Variants in PTPRD observed in about 807,000 individuals in gnomAD.
PTPRD encodes the protein protein tyrosine phosphatase receptor type D, also known as receptor-type tyrosine-protein phosphatase delta.
Under a neutral mutation model 214.5 loss-of-function variants are expected in PTPRD, and 34 were observed. The observed-to-expected ratio is 0.16, with a 90% CI of 0.12 to 0.21. PTPRD has a LOEUF of 0.21. Among genes scored for constraint, PTPRD ranks in the 10% least tolerant of loss-of-function variants. The pLI is 1.00. For missense variants in PTPRD, 2,545 were observed against 2,398.7 expected (o/e 1.06, Z -1.27); for synonymous variants, 1,128 against 845.7 (o/e 1.33, Z -5.79).
intron 7 of PTPRD, among the ~76,000 whole-genome samples, chr9:9,657,403 G>A (rs767235886): frequency 5.3e-5 from 8 of 152,216 alleles, no homozygotes; most frequent in South Asian, 4.2e-4. Flanking sequence ...GTTGAACAGT[G>A]AGAACGCATG....
At chr9:9,999,273 A>G (rs1234231497) in intron 4 of PTPRD, among the ~76,000 whole-genome samples, 1 of 152,194 alleles carries the variant, frequency 6.6e-6, no homozygotes, top group Non-Finnish European at 1.5e-5. Flanking sequence ...AAGCTAAGGG[A>G]GCAACCCCTG....
chr9:9,391,584 T>C (rs1045059959), intron 9 of PTPRD, among the ~76,000 whole-genome samples: 8 of 152,198 alleles, frequency 5.3e-5, no homozygotes, highest in Admixed American at 2.6e-4. Flanking sequence ...ACACAAAATC[T>C]GAATTCTGTA....
intron 10 of PTPRD, among the ~76,000 whole-genome samples, chr9:9,037,293 C>T (rs535342858): frequency 6.6e-5 from 10 of 152,046 alleles, no homozygotes; most frequent in African/African-American, 9.6e-5. Flanking sequence ...TCAAAAGTTT[C>T]GCAAAATGTA....
chr9:8,626,297 T>C (rs1159451638), intron 14 of PTPRD, among the ~76,000 whole-genome samples: 1 of 151,836 alleles, frequency 6.6e-6, no homozygotes, highest in Non-Finnish European at 1.5e-5. Context: ...GTAAACTCCT[T>C]TGTAATTTTC....
At chr9:9,936,482 C>T (rs2089463163) in intron 5 of PTPRD, among the ~76,000 whole-genome samples, 2 of 149,788 alleles carry the variant, frequency 1.3e-5, no homozygotes, top group South Asian at 4.2e-4. Flanking sequence ...AAATGCTCAC[C>T]ATCACTGGCC....
chr9:8,331,807 C>CAAGAACAATCATTTTCATTTCCCGAA (rs1587828286), intron 43 of PTPRD, 71 bp from the exon 44 acceptor site: 8 of 1,465,182 alleles, frequency 5.5e-6, no homozygotes, highest in Non-Finnish European at 7.2e-6. Flanking sequence ...ATACGGACCA[C>CAAGAACAATCATTTTCATTTCCCGAA]AAGAACAATC....
At chr9:8,361,375 G>A (rs2078439242) in intron 39 of PTPRD, among the ~76,000 whole-genome samples, 1 of 152,190 alleles carries the variant, frequency 6.6e-6, no homozygotes, top group Non-Finnish European at 1.5e-5. Flanking sequence ...TGTTGCTAAG[G>A]ACAATTTGGG....
chr9:8,423,537 G>C (rs1449592345), intron 35 of PTPRD, among the ~76,000 whole-genome samples: 1 of 152,150 alleles, frequency 6.6e-6, no homozygotes, highest in Non-Finnish European at 1.5e-5. Flanking sequence ...ATATTACTAT[G>C]TATCATATTA....
At chr9:10,018,329 A>G (rs2096767077) in intron 4 of PTPRD, among the ~76,000 whole-genome samples, 1 of 152,062 alleles carries the variant, frequency 6.6e-6, no homozygotes, top group Admixed American at 6.6e-5. Flanking sequence ...AATCAGAAGC[A>G]ATAAGCCGTC....
rs190139608 is a variant in PTPRD at position 8,394,429 on chromosome 9, T to A, written c.4211-5022A>T. Among the ~76,000 whole-genome samples, 53 of 152,246 alleles carry A rather than the reference T, an allele frequency of 3.5e-4. No homozygotes were observed. In the East Asian group the frequency reaches 9.7e-3, roughly 28 times the overall value. On this transcript the variant is annotated intron_variant, in intron 36 of 45. Transcript: ENST00000381196. ...GCATCACATTACACTGTAGGTAAAG[T>A]CACGTGTGCATTTTAAAGTCTTGGG...
chr9:8,422,438 T>C (rs1265544153), intron 35 of PTPRD, among the ~76,000 whole-genome samples: 1 of 152,150 alleles, frequency 6.6e-6, no homozygotes, highest in Non-Finnish European at 1.5e-5. Context: ...ATGTGTTTGT[T>C]TTTATCTAGG....
chr9:9,683,432 G>C (rs1200968355), intron 7 of PTPRD, among the ~76,000 whole-genome samples: 2 of 151,730 alleles, frequency 1.3e-5, no homozygotes, highest in African/African-American at 2.4e-5. Context: ...AAACAGACTA[G>C]TGAGGAGATA....
At chr9:9,502,754 C>A (rs936750462) in intron 8 of PTPRD, among the ~76,000 whole-genome samples, 1 of 151,700 alleles carries the variant, frequency 6.6e-6, no homozygotes, top group African/African-American at 2.4e-5. Context: ...AAAAAAGGAG[C>A]AAATTGATGA....
At chr9:8,454,585 G>A (rs559025279) in intron 33 of PTPRD, 44 of 1,612,864 alleles carry the variant, frequency 2.7e-5, no homozygotes, top group Middle Eastern at 1.6e-4. Flanking sequence ...CTCACCTGTC[G>A]GGTTTACTGC....
intron 7 of PTPRD, among the ~76,000 whole-genome samples, chr9:9,731,723 A>G (rs2098197123): frequency 6.6e-6 from 1 of 152,194 alleles, no homozygotes; most frequent in Non-Finnish European, 1.5e-5. Flanking sequence ...AAAACCGAAC[A>G]CCGCATGTTC....
In PTPRD at chr9:9,002,310, T is replaced by G. The variant is rs573713621; in HGVS notation, c.-104+16387A>C. Among the ~76,000 whole-genome samples, 12 of 152,060 alleles carry G rather than the reference T, an allele frequency of 7.9e-5. No individual in the cohort carries two copies. The South Asian group carries it at 2.5e-3, about 31-fold the overall frequency. On this transcript the variant is annotated intron_variant, in intron 11 of 45. Transcript: ENST00000381196. ...TGAGGCACTGAAGTATATTAAGAAA[T>G]GCAACGTACAAATTAACATAATGAA...
chr9:10,081,094 G>A (rs1386980436), intron 3 of PTPRD, among the ~76,000 whole-genome samples: 1 of 151,684 alleles, frequency 6.6e-6, no homozygotes, highest in African/African-American at 2.4e-5. Flanking sequence ...TTTTAAACCT[G>A]CTATTTCCAT....
chr9:9,461,116 C>T (rs563620300), intron 8 of PTPRD, among the ~76,000 whole-genome samples: 2 of 151,828 alleles, frequency 1.3e-5, no homozygotes, highest in South Asian at 2.1e-4. Context: ...GGGAGCTAAA[C>T]AATGGGTATA....
chr9:9,989,016 C>CAAAAAA (rs397836899), intron 4 of PTPRD, among the ~76,000 whole-genome samples: 628 of 36,268 alleles, frequency 0.017, 124 homozygotes, highest in Admixed American at 0.044. Context: ...TTTCACTGAC[C>CAAAAAA]AAAAAAAAAA....
Sources: gnomAD v4.1 joint callset for allele counts (sites outside exome capture counted in the v4.1 genomes callset) on GRCh38, gnomAD v4.1.1 for gene constraint, MANE v1.5 for transcripts, NCBI Gene and HGNC (gene_info 2026-07-23, HGNC 2026-07-21) for gene names.